Variants in ATPSCKMT observed in about 807,000 individuals in gnomAD.
ATPSCKMT encodes ATP synthase c subunit lysine N-methyltransferase, also known as ATP synthase subunit C lysine N-methyltransferase.
In ATPSCKMT, 24 loss-of-function variants were observed where a neutral mutation model predicts 24.3. The observed-to-expected ratio is 0.99, with a 90% CI of 0.71 to 1.39. The LOEUF (loss-of-function observed/expected upper bound fraction) is 1.39, where lower values mean the gene tolerates loss of function less well. ATPSCKMT is among the 40% of genes most tolerant of loss of function. The pLI is 0.00. For missense variants in ATPSCKMT, 311 were observed against 298.4 expected, an observed-to-expected ratio of 1.04 and a Z score of -0.31; for synonymous variants, 95 against 110.5, an observed-to-expected ratio of 0.86 and a Z score of 0.88.
chr5:10,249,484 C>A (rs1745184466), intron 1 of ATPSCKMT: 2 of 260,040 alleles, frequency 7.7e-6, no homozygotes, highest in South Asian at 1.4e-4. Context: ...AGACAGGGAA[C>A]CCGAGGGACA....
chr5:10,233,400 C>T (rs1008930253), intron 4 of ATPSCKMT, among the ~76,000 whole-genome samples: 14 of 152,202 alleles, frequency 9.2e-5, no homozygotes, highest in African/African-American at 3.4e-4. Flanking sequence ...AGACAGCAAG[C>T]TGGCCAAATC....
At chr5:10,249,100 C>T (rs1579438947) in intron 1 of ATPSCKMT, among the ~76,000 whole-genome samples, 1 of 152,124 alleles carries the variant, frequency 6.6e-6, no homozygotes, top group African/African-American at 2.4e-5. Context: ...TTAACACCGT[C>T]TCTACTAAAA....
At chr5:10,231,073 G>A (rs185655811) in intron 4 of ATPSCKMT, among the ~76,000 whole-genome samples, 104 of 152,130 alleles carry the variant, frequency 6.8e-4, no homozygotes, top group Non-Finnish European at 1.3e-3. Flanking sequence ...AGCCAGCTCC[G>A]CCTGCACCTT....
chr5:10,237,347 A>C lies in ATPSCKMT; in HGVS notation c.307-732T>G, dbSNP rs567348135. Among the ~76,000 whole-genome samples, 46 of 152,350 alleles carry C rather than the reference A, an allele frequency of 3.0e-4. 1 individual carries two copies. The South Asian group carries it at 9.3e-3, about 31-fold the overall frequency. Reference sequence around the variant, plus strand: ...ACCACAGATACTCTTCAAATACGTAAAGCATTCAAATATGAATTTCAAAAC... The same window carrying C: ...ACCACAGATACTCTTCAAATACGTACAGCATTCAAATATGAATTTCAAAAC... On this transcript the variant is annotated intron_variant, in intron 2 of 4. Coordinates refer to ENST00000511437, the MANE Select transcript of ATPSCKMT (RefSeq NM_199133.4).
chr5:10,229,944 CT>C (rs1744047431), intron 4 of ATPSCKMT, among the ~76,000 whole-genome samples: 1 of 152,336 alleles, frequency 6.6e-6, no homozygotes, highest in Non-Finnish European at 1.5e-5. Flanking sequence ...ATGTTCCTGG[CT>C]TTTGTATCTT....
At chr5:10,245,168 T>A (rs143632580) in intron 1 of ATPSCKMT, among the ~76,000 whole-genome samples, 1 of 151,972 alleles carries the variant, frequency 6.6e-6, no homozygotes, top group Non-Finnish European at 1.5e-5. Flanking sequence ...CGCCTGTAAT[T>A]CCAGCACTTT....
chr5:10,246,887 G>A (rs546845367), intron 1 of ATPSCKMT, among the ~76,000 whole-genome samples: 3 of 152,308 alleles, frequency 2.0e-5, no homozygotes, highest in South Asian at 2.1e-4. Flanking sequence ...TGGGAGAGGC[G>A]GAGGAAAGAC....
intron 2 of ATPSCKMT, chr5:10,236,995 G>A: frequency 7.6e-7 from 1 of 1,308,244 alleles, no homozygotes; most frequent in South Asian, 1.2e-5. Flanking sequence ...GAAAGTGTCT[G>A]GGAGGATGGT....
rs200314121 is a variant in ATPSCKMT at position 10,235,225 on chromosome 5, C to A, written c.481G>T (p.Gly161Cys). The A allele has an allele frequency of 6.2e-7, 1 of 1,613,462 alleles. No homozygotes were observed. Reference sequence around the variant, plus strand: ...TGCATACTCACCATCTGAGGCACACCGAAAATAACAACGTTCGAGTACTGC... The same window carrying A: ...TGCATACTCACCATCTGAGGCACACAGAAAATAACAACGTTCGAGTACTGC... ...FSQYSNVVIF[G>C]VPQMMLQLEK... is the part of the protein sequence containing the mutation. Residue 161 changes from glycine to cysteine, a missense_variant, in exon 4 of 5, where the codon GGT (glycine) becomes TGT (cysteine). Physicochemically the swap from Gly to Cys is radical, Grantham distance 159. Coordinates refer to ENST00000511437, the MANE Select transcript of ATPSCKMT (RefSeq NM_199133.4).
At chr5:10,242,717 C>G (rs186578160) in intron 1 of ATPSCKMT, among the ~76,000 whole-genome samples, 2 of 152,188 alleles carry the variant, frequency 1.3e-5, no homozygotes, top group African/African-American at 4.8e-5. Context: ...TCTAGCCTTA[C>G]GAAATGTATT....
In ATPSCKMT at chr5:10,249,856, A is replaced by G; in HGVS notation, c.16+2T>C. ...GAACCCGCCAAGCCGCTCCAGCCTC[A>G]CCTCCTCCTCCCTCCATCGCGAGAT... On this transcript the variant is annotated splice_donor_variant, in intron 1 of 4. Transcript: ENST00000511437. LOFTEE classifies it high-confidence loss of function. 1 of 1,311,642 alleles carries G rather than the reference A, an allele frequency of 7.6e-7. No individual in the cohort carries two copies. Among genetic ancestry groups the G allele is most frequent in the Non-Finnish European group, 9.9e-7 (1 of 1,011,164 alleles). 81.3% of individuals were successfully genotyped at this position (1,311,642 alleles called of 1,614,324 possible).
chr5:10,231,127 C>T (rs1315907705), intron 4 of ATPSCKMT, among the ~76,000 whole-genome samples: 1 of 152,110 alleles, frequency 6.6e-6, no homozygotes, highest in African/African-American at 2.4e-5. Context: ...GGCAGGATGG[C>T]CCGGTGGTCT....
intron 1 of ATPSCKMT, among the ~76,000 whole-genome samples, chr5:10,247,275 G>C (rs960039416): frequency 6.6e-6 from 1 of 152,216 alleles, no homozygotes; most frequent in African/African-American, 2.4e-5. Flanking sequence ...TTTGGAAGAA[G>C]TTACTATGTA....
chr5:10,228,026 AAG>A (rs980949225), intron 4 of ATPSCKMT, among the ~76,000 whole-genome samples: 4 of 152,150 alleles, frequency 2.6e-5, no homozygotes, highest in Non-Finnish European at 5.9e-5. Context: ...ACCATTTTTT[AAG>A]AGAGAGGGGT....
At chr5:10,237,440 G>A (rs1412256733) in intron 2 of ATPSCKMT, among the ~76,000 whole-genome samples, 2 of 152,222 alleles carry the variant, frequency 1.3e-5, no homozygotes, top group African/African-American at 4.8e-5. Flanking sequence ...GAATTCCCAT[G>A]TGTTGTGGGA....
In ATPSCKMT at chr5:10,227,263, A is replaced by G. The variant is rs951116334; in HGVS notation, c.*178T>C. 4 of 661,098 alleles carry G rather than the reference A, an allele frequency of 6.1e-6. No individual in the cohort carries two copies. Among genetic ancestry groups the G allele is most frequent in the Non-Finnish European group, 7.5e-6 (3 of 397,824 alleles). 41.0% of individuals were successfully genotyped at this position (661,098 alleles called of 1,614,324 possible). A position where few individuals can be genotyped will look rare whatever the true frequency, so the allele number is the denominator to read the frequency against. ...CAATTTTTAAGAAAATAGCATCAAA[A>G]GCAGATTTTAAATCTACCTGTTTTT... On this transcript the variant is annotated 3_prime_UTR_variant, in exon 5 of 5. Coordinates refer to ENST00000511437, the MANE Select transcript of ATPSCKMT (RefSeq NM_199133.4).
chr5:10,231,647 C>T (rs1445325550), intron 4 of ATPSCKMT, among the ~76,000 whole-genome samples: 1 of 151,918 alleles, frequency 6.6e-6, no homozygotes, highest in African/African-American at 2.4e-5. Context: ...CCTTGCTTTG[C>T]TTTGCTCCAC....
At chr5:10,243,496 A>G (rs1276466133) in intron 1 of ATPSCKMT, among the ~76,000 whole-genome samples, 2 of 152,166 alleles carry the variant, frequency 1.3e-5, no homozygotes, top group Admixed American at 6.5e-5. Flanking sequence ...AAAAAAAAGA[A>G]AATCTGTTTA....
chr5:10,236,472 A>G lies in ATPSCKMT; in HGVS notation c.444+6T>C. 1 of 1,614,052 alleles carries G rather than the reference A, an allele frequency of 6.2e-7. No homozygotes were observed. The highest frequency in any genetic ancestry group is 1.1e-5 in the South Asian group (1 of 91,052). On this transcript the variant is annotated splice_donor_region_variant and intron_variant, in intron 3 of 4. Coordinates refer to ENST00000511437, the MANE Select transcript of ATPSCKMT (RefSeq NM_199133.4). ...TTTCTCTAGGGCCATTCTCTGCCTT[A>G]CATACCTTCCACAAATCTGAAATAT...
Sources: allele counts gnomAD v4.1 joint callset (sites outside exome capture counted in the v4.1 genomes callset), GRCh38; gene constraint gnomAD v4.1.1; transcripts MANE v1.5; gene names NCBI Gene and HGNC (gene_info 2026-07-23, HGNC 2026-07-21).